Variants in GHR observed in about 807,000 individuals in gnomAD.
GHR encodes growth hormone receptor.
In GHR, 35 loss-of-function variants were observed where a neutral mutation model predicts 67.1. That is an observed-to-expected ratio of 0.52 (90% CI 0.40 to 0.69). The LOEUF is 0.69. Among genes scored for constraint, GHR ranks in the 30% least tolerant of loss-of-function variants. The pLI, the probability that GHR is intolerant of heterozygous loss-of-function variation, is 0.00. For synonymous variants in GHR, 272 were observed against 269.1 expected (o/e 1.01, Z -0.10); for missense variants, 792 against 764.6 (o/e 1.04, Z -0.42).
intron 4 of GHR, among the ~76,000 whole-genome samples, chr5:42,691,089 G>A (rs915057331): frequency 6.6e-6 from 1 of 151,954 alleles, no homozygotes; most frequent in African/African-American, 2.4e-5. Context: ...TCTGTCCACA[G>A]GCATCTTATG....
At chr5:42,561,515 A>G (rs904262638) in intron 1 of GHR, among the ~76,000 whole-genome samples, 6 of 152,332 alleles carry the variant, frequency 3.9e-5, no homozygotes, top group African/African-American at 1.4e-4. Flanking sequence ...GTGTTTATGA[A>G]CTGTTTTATA....
intron 1 of GHR, among the ~76,000 whole-genome samples, chr5:42,441,710 C>T (rs1038932683): frequency 7.2e-5 from 11 of 152,036 alleles, no homozygotes; most frequent in African/African-American, 1.4e-4. Flanking sequence ...GGGGTTTCAC[C>T]GTGTTAGCCA....
intron 3 of GHR, among the ~76,000 whole-genome samples, chr5:42,645,737 A>ATAT (rs1317731831): frequency 6.6e-6 from 1 of 152,232 alleles, no homozygotes; most frequent in Non-Finnish European, 1.5e-5. Context: ...ATTACAAGTA[A>ATAT]TATAGTCGTT....
chr5:42,479,449 C>G (rs1440365367), intron 1 of GHR, among the ~76,000 whole-genome samples: 1 of 152,184 alleles, frequency 6.6e-6, no homozygotes, highest in African/African-American at 2.4e-5. Flanking sequence ...GGAATAGTTT[C>G]AGAAGGAATG....
rs73087435 is a variant in GHR, at chr5:42,614,681, G to A, written c.71-14357G>A. ...AATACTGCTGTTTCAACATTTCTGA[G>A]TCATTTAGTAAGAATGGAAGGTTAA... On this transcript the variant is annotated intron_variant, in intron 2 of 9. Transcript: ENST00000230882. Among the ~76,000 whole-genome samples, 364 of 144,252 alleles carry A rather than the reference G, an allele frequency of 2.5e-3. 2 individuals carry two copies. The highest frequency in any genetic ancestry group is 9.1e-3 in the African/African-American group (354 of 38,818). The allele number at this position is 144,252 out of a possible 152,430, so 94.6% of individuals were successfully genotyped here. A position where few individuals can be genotyped will look rare whatever the true frequency, so the allele number is the denominator to read the frequency against.
chr5:42,489,763 G>C (rs528366195), intron 1 of GHR, among the ~76,000 whole-genome samples: 33 of 152,146 alleles, frequency 2.2e-4, no homozygotes, highest in African/African-American at 7.9e-4. Flanking sequence ...AATTTCTTTT[G>C]CTCCAAATCC....
At chr5:42,468,741 G>A in intron 1 of GHR, 7 of 1,017,324 alleles carry the variant, frequency 6.9e-6, no homozygotes, top group Non-Finnish European at 1.1e-5. Flanking sequence ...CGCCGCCCCC[G>A]CCAGCTTCTT....
At chr5:42,617,836 A>T (rs905309709) in intron 2 of GHR, among the ~76,000 whole-genome samples, 1 of 152,136 alleles carries the variant, frequency 6.6e-6, no homozygotes, top group African/African-American at 2.4e-5. Context: ...CATTAAATAG[A>T]ATTCAAACAA....
rs867643441 is a variant in GHR, at chr5:42,615,734, C to A, written c.71-13304C>A. ...ATAGCAGTAGAAATTTGGAAAAAAACAAAAAACAAAAAAAAAAAAACATAG... is the reference window on the plus strand; with the variant it reads ...ATAGCAGTAGAAATTTGGAAAAAAAAAAAAAACAAAAAAAAAAAAACATAG... On this transcript the variant is annotated intron_variant, in intron 2 of 9. Transcript: ENST00000230882. Among the ~76,000 whole-genome samples, 829 of 104,610 alleles carry A rather than the reference C, an allele frequency of 7.9e-3. 7 individuals carry two copies. The highest frequency in any genetic ancestry group is 0.03 in the African/African-American group (658 of 22,156). The allele number at this position is 104,610 out of a possible 152,430, so 68.6% of individuals were successfully genotyped here.
intron 1 of GHR, among the ~76,000 whole-genome samples, chr5:42,533,022 A>C (rs2112346556): frequency 6.6e-6 from 1 of 152,278 alleles, no homozygotes; most frequent in Admixed American, 6.5e-5. Flanking sequence ...ATTGCTCTGC[A>C]AAGTACTCAT....
intron 1 of GHR, among the ~76,000 whole-genome samples, chr5:42,444,166 A>G (rs904764799): frequency 1.3e-5 from 2 of 152,214 alleles, no homozygotes; most frequent in Admixed American, 1.3e-4. Flanking sequence ...GGGTCTGTGT[A>G]GAATATAGAA....
intron 1 of GHR, among the ~76,000 whole-genome samples, chr5:42,548,749 G>A (rs565086888): frequency 2.0e-5 from 3 of 152,008 alleles, no homozygotes; most frequent in East Asian, 3.9e-4. Context: ...TACTCTAAGC[G>A]AAACTTCTTT....
intron 3 of GHR, among the ~76,000 whole-genome samples, chr5:42,644,757 A>G (rs1191729915): frequency 6.6e-6 from 1 of 152,134 alleles, no homozygotes; most frequent in Admixed American, 6.6e-5. Flanking sequence ...CAGGATTGCT[A>G]TATGTTGATA....
rs1009883639 is a variant in GHR, at chr5:42,662,356, C to T, written c.137-26534C>T. On this transcript the variant is annotated intron_variant, in intron 3 of 9. Coordinates refer to ENST00000230882, the MANE Select transcript of GHR (RefSeq NM_000163.5). ...CCAAAATTGACCACGTGGTTCGAAGCAAAGCTCTCCTCAGCAAATGGAAAA... is the reference window on the plus strand; with the variant it reads ...CCAAAATTGACCACGTGGTTCGAAGTAAAGCTCTCCTCAGCAAATGGAAAA... Among the ~76,000 whole-genome samples the T allele has an allele frequency of 3.9e-5, 6 of 152,168 alleles. No homozygotes were observed. In the East Asian group the frequency reaches 7.7e-4, roughly 20 times the overall value.
chr5:42,626,889 A>T (rs1753731817), intron 2 of GHR, among the ~76,000 whole-genome samples: 1 of 152,168 alleles, frequency 6.6e-6, no homozygotes. Context: ...AGATGTGGGG[A>T]ATTCTGGAGA....
chr5:42,550,387 G>A (rs1217572786), intron 1 of GHR, among the ~76,000 whole-genome samples: 1 of 152,136 alleles, frequency 6.6e-6, no homozygotes, highest in African/African-American at 2.4e-5. Flanking sequence ...GCCTCCCCAA[G>A]GTTCCCCTGG....
intron 1 of GHR, among the ~76,000 whole-genome samples, chr5:42,504,946 T>G (rs567997303): frequency 6.6e-6 from 1 of 152,164 alleles, no homozygotes; most frequent in Non-Finnish European, 1.5e-5. Flanking sequence ...CTAGCCCTAT[T>G]AGCCCAGGGC....
intron 1 of GHR, among the ~76,000 whole-genome samples, chr5:42,505,122 G>GTTTTTTTTTTTTT (rs35690685): frequency 8.2e-5 from 11 of 134,856 alleles, no homozygotes; most frequent in South Asian, 2.4e-4. Context: ...GCTGTTGACT[G>GTTTTTTTTTTTTT]TTTTTTTTTT....
At position 42,491,029 on chromosome 5, in the gene GHR, G is replaced by A. The variant is rs575884620; in HGVS notation, c.-12+67074G>A. Among the ~76,000 whole-genome samples the A allele has an allele frequency of 3.9e-5, 6 of 152,288 alleles. No individual in the cohort carries two copies. In the East Asian group the frequency reaches 1.2e-3, roughly 29 times the overall value. On this transcript the variant is annotated intron_variant, in intron 1 of 9. Coordinates refer to ENST00000230882, the MANE Select transcript of GHR (RefSeq NM_000163.5). ...AACATCCGCTGAGGATTAATTCCAGGCCCAGCAAATTCACTGGATGAGCAG... is the reference window on the plus strand; with the variant it reads ...AACATCCGCTGAGGATTAATTCCAGACCCAGCAAATTCACTGGATGAGCAG...
Sources: allele counts gnomAD v4.1 joint callset (sites outside exome capture counted in the v4.1 genomes callset), GRCh38; gene constraint gnomAD v4.1.1; transcripts MANE v1.5; gene names NCBI Gene and HGNC (gene_info 2026-07-23, HGNC 2026-07-21).